NELL1: variants seen among roughly 807,000 people sequenced by gnomAD.
NELL1 encodes protein kinase C-binding protein NELL1.
A neutral mutation model predicts 107.4 loss-of-function variants in NELL1; 76 were observed. The observed-to-expected ratio is 0.71, with a 90% CI of 0.59 to 0.86. NELL1 has a LOEUF of 0.86. NELL1 is among the 40% of genes least tolerant of loss of function. NELL1 has a pLI of 0.00. For missense variants in NELL1, 1,024 were observed against 1,005.5 expected (o/e 1.02, Z -0.25); for synonymous variants, 353 against 341.2 (o/e 1.03, Z -0.38).
At chr11:21,199,474 CAGTA>C (rs1225303868) in intron 13 of NELL1, among the ~76,000 whole-genome samples, 1 of 152,128 alleles carries the variant, frequency 6.6e-6, no homozygotes, top group Non-Finnish European at 1.5e-5. Context: ...CTTGCAATCT[CAGTA>C]AGTACATAGT....
At chr11:21,304,661 C>G (rs1849569534) in intron 14 of NELL1, among the ~76,000 whole-genome samples, 1 of 151,828 alleles carries the variant, frequency 6.6e-6, no homozygotes, top group Admixed American at 6.6e-5. Flanking sequence ...TGACAGCTTA[C>G]ATTGTAAATC....
At chr11:20,945,208 G>A (rs1217184770) in intron 10 of NELL1, among the ~76,000 whole-genome samples, 3 of 152,212 alleles carry the variant, frequency 2.0e-5, no homozygotes, top group Non-Finnish European at 4.4e-5. Context: ...GGGTGTGGGG[G>A]ATGCCAGATG....
chr11:21,477,194 T>G (rs920269758), intron 15 of NELL1, among the ~76,000 whole-genome samples: 42 of 152,074 alleles, frequency 2.8e-4, no homozygotes, highest in Non-Finnish European at 2.6e-4. Flanking sequence ...CAGGAGAGAC[T>G]CTTTGCCTTT....
At chr11:20,851,358 G>A (rs1166987194) in intron 4 of NELL1, among the ~76,000 whole-genome samples, 8 of 152,140 alleles carry the variant, frequency 5.3e-5, no homozygotes, top group Non-Finnish European at 1.5e-5. Context: ...GCTGGGCTTA[G>A]TTAGAAGTTC....
At chr11:21,400,653 C>T (rs1207682638) in intron 15 of NELL1, among the ~76,000 whole-genome samples, 3 of 151,906 alleles carry the variant, frequency 2.0e-5, no homozygotes, top group African/African-American at 4.8e-5. Context: ...TCTGCTCTGC[C>T]CAAGCCAGAC....
At chr11:20,844,480 AT>A (rs1848670770) in intron 3 of NELL1, among the ~76,000 whole-genome samples, 1 of 152,180 alleles carries the variant, frequency 6.6e-6, no homozygotes, top group African/African-American at 2.4e-5. Context: ...TAATTTTATC[AT>A]TTATACAGCT....
chr11:21,132,339 C>T (rs35840688), intron 13 of NELL1, among the ~76,000 whole-genome samples: 6,283 of 152,232 alleles, frequency 0.041, 175 homozygotes, highest in Admixed American at 0.072. Flanking sequence ...CGGAGCCTCC[C>T]GTCTAAGTAT....
rs1194511569 is a variant in NELL1 at position 21,107,991 on chromosome 11, G to T, written c.1301-5598G>T. Among the ~76,000 whole-genome samples, 4 of 152,138 alleles carry T rather than the reference G, an allele frequency of 2.6e-5. No individual in the cohort carries two copies. In the South Asian group the frequency reaches 8.3e-4, roughly 32 times the overall value. ...ATAAGAACCTTGGTTGAAATTTTAG[G>T]CACTCTACACGTAGTATCCGATGTC... is the stretch of plus-strand genomic sequence containing the variant. On this transcript the variant is annotated intron_variant, in intron 12 of 19. Coordinates refer to ENST00000357134, the MANE Select transcript of NELL1 (RefSeq NM_006157.5).
chr11:21,536,547 T>C (rs1056699431), intron 16 of NELL1, among the ~76,000 whole-genome samples: 7 of 152,196 alleles, frequency 4.6e-5, no homozygotes, highest in Admixed American at 1.3e-4. Flanking sequence ...ATCTATCTTT[T>C]TCCTTGGTGT....
intron 13 of NELL1, among the ~76,000 whole-genome samples, chr11:21,223,212 A>C (rs930673463): frequency 3.9e-5 from 6 of 151,922 alleles, no homozygotes; most frequent in Admixed American, 1.3e-4. Context: ...CTTCAGATGT[A>C]GTAACATTTG....
At chr11:20,918,657 T>C (rs1233955273) in intron 6 of NELL1, among the ~76,000 whole-genome samples, 1 of 151,982 alleles carries the variant, frequency 6.6e-6, no homozygotes, top group Non-Finnish European at 1.5e-5. Context: ...CCATCAGATC[T>C]TGTGAGACTT....
intron 14 of NELL1, among the ~76,000 whole-genome samples, chr11:21,352,975 T>C (rs889252412): frequency 1.3e-5 from 2 of 152,186 alleles, no homozygotes; most frequent in African/African-American, 2.4e-5. Context: ...CCATGTTTTC[T>C]GCATACTGTG....
At chr11:21,468,878 G>T (rs942743492) in intron 15 of NELL1, among the ~76,000 whole-genome samples, 1 of 152,078 alleles carries the variant, frequency 6.6e-6, no homozygotes, top group African/African-American at 2.4e-5. Flanking sequence ...AATGAGCCAA[G>T]GTTCTCCTGA....
intron 16 of NELL1, among the ~76,000 whole-genome samples, chr11:21,550,229 TC>T (rs1433499821): frequency 6.6e-6 from 1 of 152,026 alleles, no homozygotes; most frequent in Non-Finnish European, 1.5e-5. Flanking sequence ...CATTGTAGAT[TC>T]TGGATATTAG....
chr11:21,565,387 T>A (rs1856946565), intron 17 of NELL1, among the ~76,000 whole-genome samples: 1 of 151,866 alleles, frequency 6.6e-6, no homozygotes, highest in Admixed American at 6.6e-5. Flanking sequence ...TACCTCCCCA[T>A]CTGACTGGGT....
At chr11:20,714,590 C>T (rs1371192697) in intron 2 of NELL1, among the ~76,000 whole-genome samples, 2 of 151,910 alleles carry the variant, frequency 1.3e-5, no homozygotes, top group African/African-American at 2.4e-5. Context: ...GGCATGTTGC[C>T]AGCTCACTGC....
At chr11:20,781,290 A>T (rs937810054) in intron 2 of NELL1, among the ~76,000 whole-genome samples, 4 of 152,168 alleles carry the variant, frequency 2.6e-5, no homozygotes, top group Admixed American at 6.5e-5. Context: ...GTTTACTAAG[A>T]CTGGGACCTT....
chr11:21,178,763 TAA>T (rs35795109), intron 13 of NELL1, among the ~76,000 whole-genome samples: 35 of 143,690 alleles, frequency 2.4e-4, no homozygotes, highest in Admixed American at 2.8e-4. Flanking sequence ...GAACTTGTCT[TAA>T]AAAAAAAAAA....
chr11:20,854,471 C>A (rs1156839401), intron 4 of NELL1, among the ~76,000 whole-genome samples: 7 of 152,120 alleles, frequency 4.6e-5, no homozygotes, highest in Non-Finnish European at 8.8e-5. Context: ...TGTAGTGGAC[C>A]TACAGGGGTT....
Sources: gnomAD v4.1 joint callset for allele counts (sites outside exome capture counted in the v4.1 genomes callset) on GRCh38, gnomAD v4.1.1 for gene constraint, MANE v1.5 for transcripts, NCBI Gene and HGNC (gene_info 2026-07-23, HGNC 2026-07-21) for gene names.